Variants in ADAMTSL1 observed in about 807,000 individuals in gnomAD.
The protein encoded by ADAMTSL1 is ADAMTS like 1.
Under a neutral mutation model 201.8 loss-of-function variants are expected in ADAMTSL1, and 126 were observed. The observed-to-expected ratio is 0.62, with a 90% confidence interval of 0.54 to 0.72. The LOEUF (loss-of-function observed/expected upper bound fraction) is 0.72. Among genes scored for constraint, ADAMTSL1 ranks in the 30% least tolerant of loss-of-function variants. The pLI is 0.00. For missense variants in ADAMTSL1, 2,679 were observed against 2,277.8 expected (o/e 1.18, Z -3.59); for synonymous variants, 1,121 against 903.4 (o/e 1.24, Z -4.32).
chr9:18,614,246 C>T (rs937375858), intron 4 of ADAMTSL1, among the ~76,000 whole-genome samples: 2 of 152,114 alleles, frequency 1.3e-5, no homozygotes, highest in African/African-American at 4.8e-5. Flanking sequence ...GAAGAGAGAA[C>T]GCCAGGTGTG....
chr9:18,780,324 G>A (rs752554756), intron 19 of ADAMTSL1, among the ~76,000 whole-genome samples: 4 of 152,078 alleles, frequency 2.6e-5, no homozygotes, highest in African/African-American at 4.8e-5. Context: ...CCTCATTTAC[G>A]GAAGGCCACG....
chr9:18,252,603 C>G (rs531873963), intron 2 of ADAMTSL1, among the ~76,000 whole-genome samples: 125 of 152,232 alleles, frequency 8.2e-4, no homozygotes, highest in Non-Finnish European at 1.4e-3. Context: ...AAAGTCTATA[C>G]ATGTTCAGTA....
chr9:18,012,633 A>G (rs1049280015), intron 1 of ADAMTSL1, among the ~76,000 whole-genome samples: 1 of 151,980 alleles, frequency 6.6e-6, no homozygotes, highest in African/African-American at 2.4e-5. Flanking sequence ...GTGACAGAAC[A>G]CCTCACCCTG....
intron 1 of ADAMTSL1, among the ~76,000 whole-genome samples, chr9:18,130,619 G>A (rs1027173171): frequency 6.6e-6 from 1 of 152,042 alleles, no homozygotes; most frequent in African/African-American, 2.4e-5. Flanking sequence ...TAAAAGACAC[G>A]GATTATGTCT....
intron 1 of ADAMTSL1, among the ~76,000 whole-genome samples, chr9:17,914,759 A>T (rs563500669): frequency 1.3e-5 from 2 of 152,144 alleles, no homozygotes; most frequent in South Asian, 4.1e-4. Context: ...ACATGATTGT[A>T]TATCTAGAAA....
intron 1 of ADAMTSL1, among the ~76,000 whole-genome samples, chr9:18,024,835 A>G (rs1820626915): frequency 6.6e-6 from 1 of 152,122 alleles, no homozygotes; most frequent in African/African-American, 2.4e-5. Context: ...TCTTTGAGAA[A>G]TCTCCAAATT....
At chr9:18,452,216 A>G (rs1202947455) in intron 2 of ADAMTSL1, among the ~76,000 whole-genome samples, 1 of 152,098 alleles carries the variant, frequency 6.6e-6, no homozygotes, top group East Asian at 1.9e-4. Flanking sequence ...CCCTGCCCCA[A>G]GCTCCCATTT....
rs532114323 is a variant in ADAMTSL1, at chr9:18,119,566, G to A, written c.88-44296G>A. ...GATCCGCCCAGCTTGGCCTCCCAAAGTGCTGGGATTACAGGCCTGCATATT... is the reference window on the plus strand; with the variant it reads ...GATCCGCCCAGCTTGGCCTCCCAAAATGCTGGGATTACAGGCCTGCATATT... On this transcript the variant is annotated intron_variant, in intron 1 of 29. Transcript: ENST00000680146. Among the ~76,000 whole-genome samples the A allele has an allele frequency of 2.0e-5, 3 of 152,252 alleles. No individual in the cohort carries two copies. The East Asian group carries it at 5.8e-4, about 29-fold the overall frequency.
chr9:18,428,227 C>G (rs1819315150), intron 2 of ADAMTSL1, among the ~76,000 whole-genome samples: 1 of 151,742 alleles, frequency 6.6e-6, no homozygotes. Flanking sequence ...GAACATAGTC[C>G]CTGATGAATG....
chr9:17,928,189 G>A lies in ADAMTSL1; in HGVS notation c.87+21267G>A, dbSNP rs60328403. ...GTTTTTGTGTTTTTAGTAGAGACAG[G>A]GTTTTCACCATGTTGCTCAGGCTGG... On this transcript the variant is annotated intron_variant, in intron 1 of 29. Transcript: ENST00000680146. Among the ~76,000 whole-genome samples, 1,373 of 151,824 alleles carry A rather than the reference G, an allele frequency of 9.0e-3. 22 individuals carry two copies. Among genetic ancestry groups the A allele is most frequent in the African/African-American group, 0.032 (1,317 of 41,412 alleles).
At chr9:18,083,332 T>C (rs982059349) in intron 1 of ADAMTSL1, among the ~76,000 whole-genome samples, 2 of 152,210 alleles carry the variant, frequency 1.3e-5, no homozygotes, top group African/African-American at 4.8e-5. Context: ...TCTGTAACAT[T>C]GTAATAATAT....
chr9:18,731,506 C>T (rs1429028879), intron 15 of ADAMTSL1, among the ~76,000 whole-genome samples: 3 of 152,094 alleles, frequency 2.0e-5, no homozygotes, highest in Non-Finnish European at 4.4e-5. Flanking sequence ...TGGCATGCAC[C>T]TGTTGTCCCA....
At chr9:18,668,394 T>C (rs964460280) in intron 9 of ADAMTSL1, among the ~76,000 whole-genome samples, 2 of 152,200 alleles carry the variant, frequency 1.3e-5, no homozygotes, top group African/African-American at 4.8e-5. Flanking sequence ...ATAACTCAAT[T>C]ATCTGGGAAA....
intron 4 of ADAMTSL1, among the ~76,000 whole-genome samples, chr9:18,598,749 A>G (rs1022205564): frequency 1.3e-5 from 2 of 152,194 alleles, no homozygotes; most frequent in African/African-American, 4.8e-5. Flanking sequence ...CAGGGTGGCC[A>G]AGAGCTGGTG....
chr9:17,914,311 A>C (rs1216700216), intron 1 of ADAMTSL1, among the ~76,000 whole-genome samples: 2 of 152,250 alleles, frequency 1.3e-5, no homozygotes, highest in South Asian at 4.1e-4. Context: ...CACATCAAAA[A>C]GCTTATCCAC....
In ADAMTSL1 at chr9:18,680,386, T is replaced by A; in HGVS notation, c.1211T>A (p.Val404Glu). The change falls in exon 11 of 29, where the codon GTG becomes GAG. Residue 404 changes from valine (V) to glutamate (E), a missense_variant. By Grantham distance (121) the Val-to-Glu change is moderately radical (BLOSUM62 -2). Coordinates refer to ENST00000380548, the MANE Select transcript of ADAMTSL1 (RefSeq NM_001040272.6). The stretch of plus-strand genomic sequence containing the variant: ...ATCCAGAGCCGGGCAGTTTCCTGTG[T>A]GGAGGAGGACATCCAGGGGCATGTC... ...GGIQSRAVSCVEEDIQGHVTS... is the reference protein window; with the variant it reads ...GGIQSRAVSCEEEDIQGHVTS... 1 of 1,614,140 alleles carries A rather than the reference T, an allele frequency of 6.2e-7. No homozygotes were observed. The highest frequency in any genetic ancestry group is 2.2e-5 in the East Asian group (1 of 44,874).
chr9:17,975,787 A>G (rs1696598076), intron 1 of ADAMTSL1, among the ~76,000 whole-genome samples: 1 of 152,088 alleles, frequency 6.6e-6, no homozygotes, highest in Non-Finnish European at 1.5e-5. Flanking sequence ...GTTACAAAAA[A>G]TCATTGCCCG....
chr9:18,516,653 T>C (rs1024679173), intron 2 of ADAMTSL1, among the ~76,000 whole-genome samples: 3 of 152,240 alleles, frequency 2.0e-5, no homozygotes, highest in African/African-American at 7.2e-5. Flanking sequence ...TGTATGACAT[T>C]GGACTAGATT....
intron 15 of ADAMTSL1, among the ~76,000 whole-genome samples, chr9:18,742,232 A>G (rs1315670033): frequency 6.6e-6 from 1 of 152,222 alleles, no homozygotes; most frequent in Non-Finnish European, 1.5e-5. Flanking sequence ...TTGCAGGAAC[A>G]CAATCCAACC....
Sources: gnomAD v4.1 joint callset for allele counts (sites outside exome capture counted in the v4.1 genomes callset) on GRCh38, gnomAD v4.1.1 for gene constraint, MANE v1.5 for transcripts, NCBI Gene and HGNC (gene_info 2026-07-23, HGNC 2026-07-21) for gene names.